CNKSR2: variants seen among roughly 807,000 people sequenced by gnomAD.
CNKSR2 encodes CNK homolog protein 2.
A neutral mutation model predicts 84.4 loss-of-function variants in CNKSR2; 14 were observed. The ratio of observed to expected loss-of-function variants is 0.17; its 90% CI spans 0.11 to 0.26. CNKSR2 has a LOEUF of 0.26. CNKSR2 is among the 10% of genes least tolerant of loss of function. The pLI is 1.00. For missense variants in CNKSR2, 485 were observed against 771.2 expected (o/e 0.63, Z 4.40); for synonymous variants, 275 against 277.9 (o/e 0.99, Z 0.10).
chrX:21,633,789 C>A (rs1277055924), intron 20 of CNKSR2, among the ~76,000 whole-genome samples: 1 of 111,946 alleles, frequency 8.9e-6, no homozygotes, highest in Non-Finnish European at 1.9e-5. Context: ...AGGGCAGTGC[C>A]ATATAATTTT....
intron 20 of CNKSR2, among the ~76,000 whole-genome samples, chrX:21,615,345 A>T (rs1462250817): frequency 2.7e-5 from 3 of 112,239 alleles, no homozygotes; most frequent in Non-Finnish European, 5.6e-5. Context: ...ATTGTTGCTC[A>T]TGGAATGAAT....
intron 20 of CNKSR2, among the ~76,000 whole-genome samples, chrX:21,638,436 G>A (rs1229470844): frequency 8.9e-6 from 1 of 112,097 alleles, no homozygotes; most frequent in African/African-American, 3.2e-5. Flanking sequence ...AATTCAATCT[G>A]TGTCTCAAGG....
chrX:21,544,853 C>T (rs1347705219), intron 11 of CNKSR2, among the ~76,000 whole-genome samples: 6 of 111,302 alleles, frequency 5.4e-5, no homozygotes, highest in Non-Finnish European at 9.4e-5. Context: ...CGGTGCATTC[C>T]GGCCCAGATA....
At chrX:21,497,873 T>G (rs1328249626) in intron 7 of CNKSR2, 27 bp downstream of exon 7, 4 of 699,851 alleles carry the variant, frequency 5.7e-6, no homozygotes, top group Non-Finnish European at 9.2e-6. Context: ...TTCAAATTTT[T>G]AAGTGTGTTT....
intron 11 of CNKSR2, among the ~76,000 whole-genome samples, chrX:21,555,169 A>G (rs2092128461): frequency 9.0e-6 from 1 of 110,779 alleles, no homozygotes; most frequent in African/African-American, 3.3e-5. Flanking sequence ...GTGTCTGTTC[A>G]TGTCCTTTGC....
chrX:21,387,295 A>G (rs1483892387), intron 1 of CNKSR2, among the ~76,000 whole-genome samples: 1 of 111,209 alleles, frequency 9.0e-6, no homozygotes, highest in Non-Finnish European at 1.9e-5. Flanking sequence ...CAGCCTGGGC[A>G]ACATGACGAA....
intron 20 of CNKSR2, among the ~76,000 whole-genome samples, chrX:21,635,447 T>TAC (rs1369346964): frequency 9.6e-6 from 1 of 104,370 alleles, no homozygotes; most frequent in African/African-American, 3.5e-5. Flanking sequence ...TATATATATA[T>TAC]ACACCTATAT....
chrX:21,618,657 A>G (rs1172615691), intron 20 of CNKSR2, among the ~76,000 whole-genome samples: 1 of 112,114 alleles, frequency 8.9e-6, no homozygotes, highest in Non-Finnish European at 1.9e-5. Flanking sequence ...CAAACTCTTT[A>G]ACATTCTTAC....
At chrX:21,484,289 TCAAAACAAAA>T (rs113032601) in intron 5 of CNKSR2, among the ~76,000 whole-genome samples, 196 of 110,838 alleles carry the variant, frequency 1.8e-3, no homozygotes, top group African/African-American at 3.9e-3. Flanking sequence ...AGACTTCGTT[TCAAAACAAAA>T]CAAAACAAAA....
At chrX:21,510,864 G>A (rs890940610) in intron 8 of CNKSR2, among the ~76,000 whole-genome samples, 6 of 111,904 alleles carry the variant, frequency 5.4e-5, no homozygotes, top group African/African-American at 1.9e-4. Flanking sequence ...GCTGTTGCTT[G>A]TAGGCACTGA....
At chrX:21,415,574 G>C (rs1230560939) in intron 1 of CNKSR2, among the ~76,000 whole-genome samples, 2 of 94,286 alleles carry the variant, frequency 2.1e-5, no homozygotes, top group Non-Finnish European at 4.1e-5. Context: ...CCTTGTGATA[G>C]TTTGCTGAGA....
intron 4 of CNKSR2, among the ~76,000 whole-genome samples, chrX:21,443,898 C>T (rs1254211966): frequency 1.8e-5 from 2 of 110,772 alleles, no homozygotes; most frequent in Non-Finnish European, 1.9e-5. Context: ...GCTTTCTATT[C>T]ACTTGTGTTA....
In CNKSR2 at chrX:21,577,429, A is replaced by G. The variant is rs764186991; in HGVS notation, c.1609-13143A>G. ...AATTCCTTTTTGCCTTTAGGGAAAA[A>G]AAATACACAAATTCTAATAACAGGC... On this transcript the variant is annotated intron_variant, in intron 13 of 21. Transcript: ENST00000379510. 2.7e-5 allele frequency among the ~76,000 whole-genome samples: 3 copies of G among 111,702 alleles called. No homozygotes were observed. In the East Asian group the frequency reaches 8.4e-4, roughly 31 times the overall value.
chrX:21,611,797 G>A (rs1297489910), intron 20 of CNKSR2, among the ~76,000 whole-genome samples: 6 of 111,694 alleles, frequency 5.4e-5, no homozygotes, highest in Non-Finnish European at 1.1e-4. Flanking sequence ...AAGTGTGTCA[G>A]TAAATTTGGT....
intron 11 of CNKSR2, among the ~76,000 whole-genome samples, chrX:21,551,894 A>C (rs1752104299): frequency 9.0e-6 from 1 of 111,331 alleles, no homozygotes; most frequent in Admixed American, 9.5e-5. Context: ...TAATTGAAAG[A>C]ACCTGGGAAG....
chrX:21,490,675 A>G, intron 6 of CNKSR2, 97 bp downstream of exon 6: 1 of 905,706 alleles, frequency 1.1e-6, no homozygotes, highest in Admixed American at 3.5e-5. Flanking sequence ...ATGAATTTCA[A>G]CAGACACTGA....
At chrX:21,619,540 T>C (rs1418877698) in intron 20 of CNKSR2, among the ~76,000 whole-genome samples, 1 of 111,753 alleles carries the variant, frequency 8.9e-6, no homozygotes, top group Non-Finnish European at 1.9e-5. Context: ...TAGAATGTAT[T>C]TACTTAATGC....
chrX:21,568,165 A>G (rs2147201538), intron 13 of CNKSR2, among the ~76,000 whole-genome samples: 1 of 110,868 alleles, frequency 9.0e-6, no homozygotes, highest in South Asian at 3.9e-4. Flanking sequence ...GCATGCACCT[A>G]TAGTCCCAGC....
chrX:21,495,250 C>G (rs746797188), intron 6 of CNKSR2: 1 of 111,341 alleles, frequency 9.0e-6, no homozygotes, highest in Non-Finnish European at 1.9e-5. Context: ...GGGCAGACTC[C>G]CCAGCCTCTC....
Sources: allele counts gnomAD v4.1 joint callset (sites outside exome capture counted in the v4.1 genomes callset), GRCh38; gene constraint gnomAD v4.1.1; transcripts MANE v1.5; gene names NCBI Gene and HGNC (gene_info 2026-07-23, HGNC 2026-07-21).